The following AIM2 variants were observed in gnomAD, a reference collection of about 807,000 sequenced individuals.
AIM2 encodes interferon-inducible protein AIM2.
In AIM2, 30 loss-of-function variants were observed where a neutral mutation model predicts 27.7. That is an observed-to-expected ratio of 1.08 (90% CI 0.81 to 1.47). AIM2 has a LOEUF of 1.47. AIM2 is among the 40% of genes most tolerant of loss of function. The pLI is 0.00. For synonymous variants in AIM2, 141 were observed against 145.3 expected (o/e 0.97, Z 0.21); for missense variants, 358 against 411.3 (o/e 0.87, Z 1.12).
the AIM2 span, among the ~76,000 whole-genome samples, chr1:159,055,813 T>G: frequency 6.6e-6 from 1 of 152,234 alleles, no homozygotes; most frequent in Non-Finnish European, 1.5e-5. Flanking sequence ...TTTGTGACAC[T>G]TAATCTTCAT....
chr1:159,069,538 ATTTC>A (rs559643514), intron 2 of AIM2, among the ~76,000 whole-genome samples: 1 of 150,176 alleles, frequency 6.7e-6, no homozygotes, highest in Non-Finnish European at 1.5e-5. Context: ...ACAAGGGCTG[ATTTC>A]TTTCTTTTTT....
chr1:159,084,352 CA>C (rs944167148), intron 1 of AIM2, among the ~76,000 whole-genome samples: 7 of 152,130 alleles, frequency 4.6e-5, no homozygotes, highest in Non-Finnish European at 1.0e-4. Flanking sequence ...TCTCCTTTCA[CA>C]CAGCTCAAAA....
chr1:159,117,478 A>G (rs1647403125), intron 1 of AIM2, among the ~76,000 whole-genome samples: 1 of 152,176 alleles, frequency 6.6e-6, no homozygotes, highest in African/African-American at 2.4e-5. Flanking sequence ...TATAAAACAG[A>G]GAAGCACCAG....
intron 1 of AIM2, among the ~76,000 whole-genome samples, chr1:159,136,624 G>A (rs868424490): frequency 2.6e-5 from 4 of 152,122 alleles, no homozygotes; most frequent in Admixed American, 2.6e-4. Context: ...TGGAAGCAAA[G>A]AGATCCAACT....
At chr1:159,115,365 C>T (rs1387060318) in intron 1 of AIM2, among the ~76,000 whole-genome samples, 7 of 152,086 alleles carry the variant, frequency 4.6e-5, no homozygotes, top group Non-Finnish European at 7.4e-5. Flanking sequence ...AAAAGGAGCC[C>T]GCATCACCAA....
chr1:159,067,489 T>C (rs1656157306), intron 3 of AIM2, among the ~76,000 whole-genome samples: 1 of 152,134 alleles, frequency 6.6e-6, no homozygotes, highest in Admixed American at 6.5e-5. Context: ...CAGTGGAGCT[T>C]GGGCCAGTAA....
downstream of AIM2, among the ~76,000 whole-genome samples, chr1:159,059,703 C>T (rs1007826057): frequency 3.9e-5 from 6 of 152,112 alleles, no homozygotes; most frequent in African/African-American, 1.2e-4. Flanking sequence ...ACATCCCCAC[C>T]TTTGCTTGCT....
At chr1:159,078,442 G>C (rs1656688790), upstream of AIM2, among the ~76,000 whole-genome samples, 1 of 152,238 alleles carries the variant, frequency 6.6e-6, no homozygotes, top group Non-Finnish European at 1.5e-5. Flanking sequence ...AAAAAGATGT[G>C]AAGTGTATGA....
At chr1:159,081,420 C>A, upstream of AIM2, 1 of 384,668 alleles carries the variant, frequency 2.6e-6, no homozygotes, top group Non-Finnish European at 5.2e-6. Flanking sequence ...TGAAATAATG[C>A]TTGTCAGGAG....
At chr1:159,132,675 A>G (rs1002891432) in intron 1 of AIM2, among the ~76,000 whole-genome samples, 7 of 152,230 alleles carry the variant, frequency 4.6e-5, no homozygotes, top group African/African-American at 1.4e-4. Context: ...CAGAGAATAG[A>G]GTAACACCCT....
At chr1:159,068,453 G>T in intron 3 of AIM2, 115 bp downstream of exon 3, 2 of 1,368,650 alleles carry the variant, frequency 1.5e-6, no homozygotes, top group Non-Finnish European at 2.0e-6. Flanking sequence ...TCATGCTGTG[G>T]CCTTGCTTCC....
At chr1:159,085,654 G>A (rs1053111167) in intron 1 of AIM2, among the ~76,000 whole-genome samples, 4 of 152,218 alleles carry the variant, frequency 2.6e-5, no homozygotes, top group Non-Finnish European at 4.4e-5. Flanking sequence ...CTGCAGAACA[G>A]GATGAGACTG....
chr1:159,078,652 G>T (rs753466568), upstream of AIM2, among the ~76,000 whole-genome samples: 16 of 152,166 alleles, frequency 1.1e-4, no homozygotes, highest in Non-Finnish European at 2.2e-4. Flanking sequence ...TCATCGTCCA[G>T]CTTTGTTTTA....
chr1:159,130,995 C>G (rs1647859012), intron 1 of AIM2, among the ~76,000 whole-genome samples: 1 of 152,132 alleles, frequency 6.6e-6, no homozygotes, highest in Admixed American at 6.5e-5. Context: ...TTCTCTCCTT[C>G]CTTCACAGCT....
chr1:159,137,396 C>T (rs995059417), intron 1 of AIM2, among the ~76,000 whole-genome samples: 2 of 152,184 alleles, frequency 1.3e-5, no homozygotes, highest in African/African-American at 2.4e-5. Flanking sequence ...GTGGCTCACA[C>T]CTGTAATCCC....
chr1:159,117,440 C>CAAATCAAGTATACA (rs1647401464), intron 1 of AIM2, among the ~76,000 whole-genome samples: 1 of 152,056 alleles, frequency 6.6e-6, no homozygotes, highest in Non-Finnish European at 1.5e-5. Context: ...TCAAGTATAA[C>CAAATCAAGTATACA]AAATAAATTT....
intron 1 of AIM2, among the ~76,000 whole-genome samples, chr1:159,119,554 TGATAC>T (rs1202969840): frequency 2.6e-5 from 4 of 151,976 alleles, no homozygotes; most frequent in Non-Finnish European, 5.9e-5. Flanking sequence ...TAGAAACTCC[TGATAC>T]AATAGGAGAT....
intron 1 of AIM2, among the ~76,000 whole-genome samples, chr1:159,075,733 T>G (rs949315532): frequency 2.0e-5 from 3 of 152,116 alleles, no homozygotes; most frequent in Non-Finnish European, 4.4e-5. Context: ...GAATGAGCAA[T>G]TTGCTCAAAT....
At chr1:159,101,013 ACACCTCACTTT>A (rs1295400669) in intron 1 of AIM2, among the ~76,000 whole-genome samples, 6 of 152,216 alleles carry the variant, frequency 3.9e-5, no homozygotes, top group Admixed American at 1.3e-4. Flanking sequence ...AACAAGAAGT[ACACCTCACTTT>A]CACCTCACTT....
Sources: allele counts gnomAD v4.1 joint callset (sites outside exome capture counted in the v4.1 genomes callset), GRCh38; gene constraint gnomAD v4.1.1; transcripts MANE v1.5; gene names NCBI Gene and HGNC (gene_info 2026-07-23, HGNC 2026-07-21).